Variants in STARD9 observed in about 807,000 individuals in gnomAD.
STARD9 encodes the protein stAR-related lipid transfer protein 9.
Under a neutral mutation model 399.8 loss-of-function variants are expected in STARD9, and 346 were observed. That is an observed-to-expected ratio of 0.87 (90% CI 0.79 to 0.95). The LOEUF (loss-of-function observed/expected upper bound fraction) is 0.95, where lower values mean the gene tolerates loss of function less well. STARD9 is among the 40% of genes least tolerant of loss of function. The probability of loss-of-function intolerance (pLI) is 0.00; values close to 1 mark genes in which losing one functional copy is unlikely to be tolerated. For missense variants in STARD9, 5,832 were observed against 5,667.5 expected, an observed-to-expected ratio of 1.03 and a Z score of -0.93; for synonymous variants, 2,203 against 2,143.5, an observed-to-expected ratio of 1.03 and a Z score of -0.77.
chr15:42,640,835 A>AAC (rs1373886533), intron 7 of STARD9, among the ~76,000 whole-genome samples: 1 of 151,050 alleles, frequency 6.6e-6, no homozygotes, highest in Non-Finnish European at 1.5e-5. Flanking sequence ...AAAAAAAAAA[A>AAC]AAAAGTCTGT....
In STARD9 at chr15:42,684,897, T is replaced by A; in HGVS notation, c.3319T>A (p.Tyr1107Asn). ...DNDLSDTDSN[Y>N]SLDSLSCVYA... ...TGATTTATCTGACACAGATAGCAACTACTCATTGGATTCTCTCTCATGTGT... is the reference window on the plus strand; with the variant it reads ...TGATTTATCTGACACAGATAGCAACAACTCATTGGATTCTCTCTCATGTGT... Residue 1107 changes from tyrosine (Y) to asparagine (N), a missense_variant, in exon 23 of 33, where the codon TAC (tyrosine) becomes AAC (asparagine). Tyr to Asn is a moderately radical substitution (Grantham distance 143). Around this residue, in one of 2 missense-constraint regions of STARD9, gnomAD observed 5,828 missense variants for 5,651.1 expected, o/e 1.03. Coordinates refer to ENST00000290607, the MANE Select transcript of STARD9 (RefSeq NM_020759.3). The A allele has an allele frequency of 6.5e-7, 1 of 1,537,070 alleles. No individual in the cohort carries two copies. The highest frequency in any genetic ancestry group is 1.2e-5 in the South Asian group (1 of 84,056).
intron 3 of STARD9, among the ~76,000 whole-genome samples, chr15:42,616,513 C>T (rs1356942693): frequency 2.6e-5 from 4 of 152,130 alleles, no homozygotes; most frequent in South Asian, 2.1e-4. Context: ...ATTTTGTTAG[C>T]GGCAGAATAT....
chr15:42,606,078 A>T (rs770269074), intron 3 of STARD9, among the ~76,000 whole-genome samples: 1 of 152,214 alleles, frequency 6.6e-6, no homozygotes, highest in African/African-American at 2.4e-5. Context: ...GCTTGCTTCA[A>T]TGGGAAGGGA....
chr15:42,699,273 C>T (rs1020170377), intron 26 of STARD9, among the ~76,000 whole-genome samples: 1 of 152,014 alleles, frequency 6.6e-6, no homozygotes. Context: ...ACTTATTCTT[C>T]CTTTCTAACT....
At chr15:42,660,911 A>C (rs2059981635) in intron 9 of STARD9, among the ~76,000 whole-genome samples, 1 of 151,416 alleles carries the variant, frequency 6.6e-6, no homozygotes, top group South Asian at 2.1e-4. Context: ...ATGGAAGTTT[A>C]TGTACTTAGT....
intron 3 of STARD9, among the ~76,000 whole-genome samples, chr15:42,610,535 T>A (rs904039441): frequency 1.3e-5 from 2 of 152,164 alleles, no homozygotes; most frequent in Admixed American, 1.3e-4. Context: ...GCCAAACTTA[T>A]ACTTTCTTTT....
At chr15:42,683,331 T>A (rs1427208242) in intron 22 of STARD9, among the ~76,000 whole-genome samples, 1 of 152,256 alleles carries the variant, frequency 6.6e-6, no homozygotes, top group Non-Finnish European at 1.5e-5. Context: ...ATAGTACATG[T>A]ATCACTGATA....
chr15:42,673,717 C>T (rs1245187351), intron 16 of STARD9, among the ~76,000 whole-genome samples: 3 of 152,114 alleles, frequency 2.0e-5, no homozygotes, highest in Admixed American at 6.5e-5. Context: ...TTTAGCATCC[C>T]GGTTGCCATG....
At chr15:42,666,335 A>G (rs2060103000) in intron 15 of STARD9, among the ~76,000 whole-genome samples, 1 of 152,218 alleles carries the variant, frequency 6.6e-6, no homozygotes, top group Non-Finnish European at 1.5e-5. Context: ...AGCAGATATC[A>G]TATGTTGGTG....
intron 3 of STARD9, among the ~76,000 whole-genome samples, chr15:42,600,051 C>T (rs1185603199): frequency 6.6e-6 from 1 of 152,132 alleles, no homozygotes; most frequent in East Asian, 1.9e-4. Context: ...TTGAGGGGAT[C>T]AGGTGGTGCT....
chr15:42,629,096 T>G (rs2059280841), intron 3 of STARD9, among the ~76,000 whole-genome samples: 1 of 152,114 alleles, frequency 6.6e-6, no homozygotes, highest in African/African-American at 2.4e-5. Context: ...CATTGCTCAC[T>G]GTAGCCATGA....
chr15:42,581,217 G>T (rs2058161501), intron 1 of STARD9: 4 of 784,160 alleles, frequency 5.1e-6, no homozygotes, highest in Non-Finnish European at 9.5e-6. Context: ...TTCTACTTGT[G>T]GAGTCTTCAG....
In STARD9 at chr15:42,605,938, G is replaced by A. The variant is rs186872945; in HGVS notation, c.234+20301G>A. ...CTGGTATTGCTTTTCCTTTTCTCCC[G>A]CATCAGAGATTTTAAGAAAATACAA... On this transcript the variant is annotated intron_variant, in intron 3 of 32. Coordinates refer to ENST00000290607, the MANE Select transcript of STARD9 (RefSeq NM_020759.3). Among the ~76,000 whole-genome samples, 25 of 152,168 alleles carry A rather than the reference G, an allele frequency of 1.6e-4. No homozygotes were observed. In the East Asian group the frequency reaches 2.7e-3, roughly 16 times the overall value.
At chr15:42,673,598 C>A (rs989965293) in intron 16 of STARD9, among the ~76,000 whole-genome samples, 1 of 152,038 alleles carries the variant, frequency 6.6e-6, no homozygotes, top group Non-Finnish European at 1.5e-5. Flanking sequence ...GATGTTAATA[C>A]CTGTATTTTG....
intron 9 of STARD9, among the ~76,000 whole-genome samples, chr15:42,660,799 T>C (rs183349303): frequency 6.6e-6 from 1 of 152,222 alleles, no homozygotes; most frequent in East Asian, 1.9e-4. Flanking sequence ...TGTGGCTCTC[T>C]GCTAATAAGA....
At chr15:42,658,484 T>A (rs2059923935) in intron 9 of STARD9, among the ~76,000 whole-genome samples, 1 of 118,402 alleles carries the variant, frequency 8.4e-6, no homozygotes, top group Non-Finnish European at 1.7e-5. Context: ...CCTTTTGCAC[T>A]TTTTTTTTTT....
chr15:42,623,717 T>C lies in STARD9; in HGVS notation c.235-11139T>C, dbSNP rs567973796. 2.6e-5 allele frequency among the ~76,000 whole-genome samples: 4 copies of C among 152,376 alleles called. No homozygotes were observed. The East Asian group carries it at 7.7e-4, about 29-fold the overall frequency. On this transcript the variant is annotated intron_variant, in intron 3 of 32. Transcript: ENST00000290607. Reference sequence around the variant, plus strand: ...CTCCCTTCTCTTGTTCTTTGGGAACTGTTTAAATACCAATTTCCATGGTAT... The same window carrying C: ...CTCCCTTCTCTTGTTCTTTGGGAACCGTTTAAATACCAATTTCCATGGTAT...
chr15:42,719,173 C>T (rs574510662), intron 32 of STARD9, among the ~76,000 whole-genome samples: 1 of 152,322 alleles, frequency 6.6e-6, no homozygotes, highest in South Asian at 2.1e-4. Context: ...TGGGTGATCC[C>T]AGTGTCCTTA....
intron 3 of STARD9, among the ~76,000 whole-genome samples, chr15:42,628,671 A>C (rs561225364): frequency 9.9e-5 from 15 of 152,232 alleles, no homozygotes; most frequent in African/African-American, 3.4e-4. Flanking sequence ...TCCCAGCACC[A>C]TTTGTTGAAG....
Sources: allele counts gnomAD v4.1 joint callset (sites outside exome capture counted in the v4.1 genomes callset), GRCh38; gene constraint gnomAD v4.1.1; regional missense constraint gnomAD v4.1.1; transcripts MANE v1.5; gene names NCBI Gene and HGNC (gene_info 2026-07-23, HGNC 2026-07-21).